WBP1L: variants seen among roughly 807,000 people sequenced by gnomAD.
The protein encoded by WBP1L is WW domain binding protein 1-like.
WBP1L carries 17 observed loss-of-function variants against 33.7 expected under a neutral mutation model. That is an observed-to-expected ratio of 0.50 (90% CI 0.34 to 0.76). WBP1L has a LOEUF of 0.76. Ranked by LOEUF, WBP1L falls within the 30% of genes least tolerant of loss-of-function variation. The pLI is 0.01. For synonymous variants in WBP1L, 173 were observed against 190.8 expected (o/e 0.91, Z 0.77); for missense variants, 389 against 469.4 (o/e 0.83, Z 1.58).
chr10:102,789,948 C>T (rs1371191728), intron 1 of WBP1L, among the ~76,000 whole-genome samples: 1 of 151,952 alleles, frequency 6.6e-6, no homozygotes, highest in Non-Finnish European at 1.5e-5. Context: ...CAGTGTTAGC[C>T]AGGATGGTCT....
intron 1 of WBP1L, among the ~76,000 whole-genome samples, chr10:102,787,127 T>C (rs1055940802): frequency 2.0e-5 from 3 of 152,210 alleles, no homozygotes; most frequent in Non-Finnish European, 2.9e-5. Flanking sequence ...TAGTGTCCCA[T>C]TGCATGCAAG....
intron 1 of WBP1L, among the ~76,000 whole-genome samples, chr10:102,785,796 G>T (rs1397201074): frequency 6.6e-6 from 1 of 152,174 alleles, no homozygotes; most frequent in Non-Finnish European, 1.5e-5. Flanking sequence ...CTTCTCAATG[G>T]ACTTACTCTG....
At chr10:102,772,680 C>T (rs1051178692) in intron 1 of WBP1L, among the ~76,000 whole-genome samples, 1 of 149,092 alleles carries the variant, frequency 6.7e-6, no homozygotes, top group Non-Finnish European at 1.5e-5. Flanking sequence ...AGTGTCCCTC[C>T]CACCTCAGCT....
At chr10:102,794,298 G>A (rs903176665) in intron 1 of WBP1L, among the ~76,000 whole-genome samples, 5 of 152,176 alleles carry the variant, frequency 3.3e-5, no homozygotes, top group Non-Finnish European at 5.9e-5. Context: ...AAAGGGGATG[G>A]GGAGGATAAT....
At chr10:102,744,609 C>T (rs1189140752) in intron 1 of WBP1L, among the ~76,000 whole-genome samples, 1 of 152,042 alleles carries the variant, frequency 6.6e-6, no homozygotes, top group Non-Finnish European at 1.5e-5. Context: ...CATCTTAGTA[C>T]GTTTAAAAAA....
chr10:102,756,537 G>T (rs1409779268), intron 1 of WBP1L, among the ~76,000 whole-genome samples: 2 of 152,024 alleles, frequency 1.3e-5, no homozygotes, highest in African/African-American at 2.4e-5. Flanking sequence ...TAAAATACCT[G>T]TATTCTGTTG....
chr10:102,747,728 A>G (rs1239750179), intron 1 of WBP1L, among the ~76,000 whole-genome samples: 1 of 151,990 alleles, frequency 6.6e-6, no homozygotes, highest in African/African-American at 2.4e-5. Context: ...GGGTTTCGCC[A>G]TGTTGCCCAG....
chr10:102,770,574 T>A (rs888998651), intron 1 of WBP1L, among the ~76,000 whole-genome samples: 1 of 152,310 alleles, frequency 6.6e-6, no homozygotes, highest in African/African-American at 2.4e-5. Context: ...CCAAGAGCCA[T>A]GTCCTAGGAA....
intron 1 of WBP1L, among the ~76,000 whole-genome samples, chr10:102,760,288 G>T (rs1843020553): frequency 6.6e-6 from 1 of 151,886 alleles, no homozygotes; most frequent in African/African-American, 2.4e-5. Flanking sequence ...GGCATTTCCA[G>T]ACCTGGCTAT....
chr10:102,813,399 A>AT lies in WBP1L; in HGVS notation c.*70dup. On this transcript the variant is annotated 3_prime_UTR_variant, in exon 4 of 4. Transcript: ENST00000448841. Reference sequence around the variant, plus strand: ...GGTAGGGGAGAACCACGAGAGAAGCATTAAGTGACTTTCAAAGACTTTCAG... The same window carrying AT: ...GGTAGGGGAGAACCACGAGAGAAGCATTTAAGTGACTTTCAAAGACTTTCAG... The AT allele has an allele frequency of 2.6e-6, 4 of 1,513,570 alleles. No individual in the cohort carries two copies. Among genetic ancestry groups the AT allele is most frequent in the Non-Finnish European group, 3.5e-6 (4 of 1,134,898 alleles). The allele number at this position is 1,513,570 out of a possible 1,614,324, so 93.8% of individuals were successfully genotyped here.
intron 1 of WBP1L, among the ~76,000 whole-genome samples, chr10:102,795,556 A>G (rs934931461): frequency 3.3e-5 from 5 of 152,200 alleles, no homozygotes; most frequent in African/African-American, 4.8e-5. Context: ...TGAGGATGCC[A>G]CTTGTTTAGA....
At chr10:102,776,548 G>T (rs1590177130) in intron 1 of WBP1L, 11 of 1,183,744 alleles carry the variant, frequency 9.3e-6, no homozygotes, top group Non-Finnish European at 1.2e-5. Flanking sequence ...CTCCCACACA[G>T]AACTTTCCAG....
intron 1 of WBP1L, among the ~76,000 whole-genome samples, chr10:102,755,696 A>G (rs978115106): frequency 1.3e-5 from 2 of 151,888 alleles, no homozygotes; most frequent in African/African-American, 2.4e-5. Context: ...CCCAGCCTAC[A>G]TTCTTTTTAA....
At chr10:102,768,364 G>GTTTTTTGTTTTTT (rs1843139200) in intron 1 of WBP1L, among the ~76,000 whole-genome samples, 1 of 44,564 alleles carries the variant, frequency 2.2e-5, no homozygotes, top group African/African-American at 1.1e-4. Context: ...CCTGGCATTA[G>GTTTTTTGTTTTTT]TTTTTTGTTT....
rs1728116158 is a variant in WBP1L, at chr10:102,812,629, G to A, written c.390G>A (p.Glu130=). The change falls in exon 4 of 4, where the codon GAG becomes GAA. Residue 130 remains glutamate, a synonymous_variant. Coordinates refer to ENST00000448841, the MANE Select transcript of WBP1L (RefSeq NM_001083913.2). ...FLPNYLLPPY[E]EVVNRPPTPP... is the part of the protein sequence containing the mutation. ...CAAACTATTTACTACCTCCTTATGAGGAAGTGGTGAACCGACCTCCAACTC... is the reference window on the plus strand; with the variant it reads ...CAAACTATTTACTACCTCCTTATGAAGAAGTGGTGAACCGACCTCCAACTC... 6.3e-7 allele frequency: 1 copy of A among 1,598,326 alleles called. No homozygotes were observed.
chr10:102,746,612 G>T (rs963840161), intron 1 of WBP1L, among the ~76,000 whole-genome samples: 4 of 151,558 alleles, frequency 2.6e-5, no homozygotes, highest in South Asian at 2.1e-4. Flanking sequence ...GTTTTTTTGG[G>T]GGGGGTGGGG....
intron 1 of WBP1L, among the ~76,000 whole-genome samples, chr10:102,756,918 C>T (rs968596378): frequency 2.7e-5 from 4 of 150,352 alleles, no homozygotes; most frequent in South Asian, 2.1e-4. Context: ...GACAGAGTCT[C>T]GATCTGTTGC....
intron 1 of WBP1L, among the ~76,000 whole-genome samples, chr10:102,785,862 T>C (rs1235161939): frequency 6.6e-6 from 1 of 152,232 alleles, no homozygotes; most frequent in Non-Finnish European, 1.5e-5. Context: ...CTTCTAAGTG[T>C]CCAGGGGTGA....
intron 1 of WBP1L, among the ~76,000 whole-genome samples, chr10:102,772,855 C>T (rs906994645): frequency 1.3e-5 from 2 of 151,942 alleles, no homozygotes; most frequent in Admixed American, 6.6e-5. Flanking sequence ...CAGGCGTGAG[C>T]CATGGTGCCC....
Sources: gnomAD v4.1 joint callset for allele counts (sites outside exome capture counted in the v4.1 genomes callset) on GRCh38, gnomAD v4.1.1 for gene constraint, MANE v1.5 for transcripts, NCBI Gene and HGNC (gene_info 2026-07-23, HGNC 2026-07-21) for gene names.